ASIP: variants seen among roughly 807,000 people sequenced by gnomAD.
ASIP encodes the protein agouti-signaling protein.
Under a neutral mutation model 10.3 loss-of-function variants are expected in ASIP, and 11 were observed. That is an observed-to-expected ratio of 1.07 (90% confidence interval 0.68 to 1.78). ASIP has a LOEUF of 1.78. Ranked by LOEUF, ASIP falls within the 40% of genes most tolerant of loss-of-function variation. The pLI, the probability that ASIP is intolerant of heterozygous loss-of-function variation, is 0.00. For missense variants in ASIP, 180 were observed against 169.2 expected (o/e 1.06, Z -0.35); for synonymous variants, 70 against 70.8 (o/e 0.99, Z 0.06).
chr20:34,235,480 A>G (rs1355292588), intron 1 of ASIP, among the ~76,000 whole-genome samples: 2 of 151,880 alleles, frequency 1.3e-5, no homozygotes, highest in Non-Finnish European at 2.9e-5. Flanking sequence ...ACTGAAGGCA[A>G]TGAGACTAAC....
chr20:34,235,892 AGGAAG>A (rs1568756476), intron 1 of ASIP, among the ~76,000 whole-genome samples: 1 of 107,076 alleles, frequency 9.3e-6, no homozygotes, highest in Admixed American at 8.1e-5. Flanking sequence ...GAAGGAAGGA[AGGAAG>A]GAAAGGAAGG....
chr20:34,241,020 C>G (rs775799834), upstream of ASIP, among the ~76,000 whole-genome samples: 5 of 152,182 alleles, frequency 3.3e-5, no homozygotes, highest in Non-Finnish European at 5.9e-5. Context: ...GAGCAACACG[C>G]CTTGCCTCTG....
chr20:34,249,874 C>T (rs768738079), intron 1 of ASIP: 3 of 152,252 alleles, frequency 2.0e-5, no homozygotes, highest in African/African-American at 7.2e-5. Flanking sequence ...CACATATGCA[C>T]AGTGTTTCAC....
intron 1 of ASIP, among the ~76,000 whole-genome samples, chr20:34,247,288 C>T (rs1013888230): frequency 6.8e-6 from 1 of 146,136 alleles, no homozygotes; most frequent in African/African-American, 2.5e-5. Flanking sequence ...ATGATTATTA[C>T]ATTATATGAT....
rs1421012110 is a variant in ASIP at position 34,269,256 on chromosome 20, G to C, written c.*89G>C. The C allele has an allele frequency of 7.1e-7, 1 of 1,405,026 alleles. No homozygotes were observed. The allele number at this position is 1,405,026 out of a possible 1,614,324, so 87.0% of individuals were successfully genotyped here. ...TGATCCCTAACAGGGCGGCTTCCCA[G>C]GGCTGCAGGCGGGCGGAGGTTCCAG... On this transcript the variant is annotated 3_prime_UTR_variant, in exon 4 of 4. Coordinates refer to ENST00000374954, the MANE Select transcript of ASIP (RefSeq NM_001672.3).
chr20:34,264,789 A>ATTTTTTTTTTT (rs34382186), intron 3 of ASIP, among the ~76,000 whole-genome samples: 2 of 104,216 alleles, frequency 1.9e-5, no homozygotes, highest in Non-Finnish European at 3.7e-5. Context: ...AGTTTACTTC[A>ATTTTTTTTTTT]TTTTTTTTTT....
intron 1 of ASIP, among the ~76,000 whole-genome samples, chr20:34,245,214 A>G (rs1173888986): frequency 2.0e-5 from 3 of 150,594 alleles, no homozygotes; most frequent in Admixed American, 6.6e-5. Flanking sequence ...GGCGCCTGTA[A>G]TCCCAGCTAC....
At chr20:34,254,654 T>A (rs1301196831) in intron 1 of ASIP, among the ~76,000 whole-genome samples, 1 of 152,204 alleles carries the variant, frequency 6.6e-6, no homozygotes, top group Non-Finnish European at 1.5e-5. Context: ...AGCATTAATA[T>A]TTTCATTATA....
upstream of ASIP, among the ~76,000 whole-genome samples, chr20:34,192,582 CCCTTTGGGATT>C (rs2034831315): frequency 6.7e-6 from 1 of 149,024 alleles, no homozygotes; most frequent in South Asian, 2.1e-4. Flanking sequence ...GCCCTGGTTA[CCCTTTGGGATT>C]GGGAGTGTGG....
chr20:34,213,448 T>C, intron 1 of ASIP: 1 of 1,061,334 alleles, frequency 9.4e-7, no homozygotes, highest in Non-Finnish European at 1.4e-6. Flanking sequence ...AATTGAGTCA[T>C]AGGTAGAGAC....
chr20:34,199,976 C>T (rs550262600), intron 1 of ASIP, among the ~76,000 whole-genome samples: 66 of 152,236 alleles, frequency 4.3e-4, no homozygotes, highest in Admixed American at 1.2e-3. Context: ...CACCCCAATC[C>T]TGGCCCATCC....
At chr20:34,258,700 A>ATATATATATATATATATATACACATAC (rs1555826880) in intron 1 of ASIP, among the ~76,000 whole-genome samples, 1 of 77,918 alleles carries the variant, frequency 1.3e-5, no homozygotes, top group Non-Finnish European at 2.4e-5. Flanking sequence ...TACATACTAT[A>ATATATATATATATATATATACACATAC]TATATATATT....
At chr20:34,262,179 G>C (rs2035705490) in intron 2 of ASIP, among the ~76,000 whole-genome samples, 1 of 152,036 alleles carries the variant, frequency 6.6e-6, no homozygotes, top group South Asian at 2.1e-4. Context: ...AGGGAAGGGA[G>C]GAACATCAAC....
chr20:34,253,269 C>T (rs1370237848), intron 1 of ASIP, among the ~76,000 whole-genome samples: 10 of 151,500 alleles, frequency 6.6e-5, no homozygotes. Context: ...CCACGCCCGC[C>T]TAATTTTTTT....
chr20:34,224,137 A>G (rs1316578282), intron 1 of ASIP, among the ~76,000 whole-genome samples: 2 of 146,790 alleles, frequency 1.4e-5, no homozygotes, highest in African/African-American at 2.5e-5. Context: ...TCACTTGTTT[A>G]TCTGCTGACC....
At chr20:34,188,154 C>G in the ASIP span, among the ~76,000 whole-genome samples, 1 of 152,238 alleles carries the variant, frequency 6.6e-6, no homozygotes, top group Non-Finnish European at 1.5e-5. Flanking sequence ...GTGTGCCATT[C>G]TATCCTAGTT....
In ASIP at chr20:34,268,917, G is replaced by A. The variant is rs1443093948; in HGVS notation, c.223-74G>A. The A allele has an allele frequency of 6.6e-6, 10 of 1,525,694 alleles. No individual in the cohort carries two copies. The Admixed American group carries it at 1.4e-4, about 21-fold the overall frequency. 94.5% of individuals were successfully genotyped at this position (1,525,694 alleles called of 1,614,324 possible). ...TGGTCCGGGATCTCCCTAGCCCGAG[G>A]AGCTCCCAGGCAGAGGTGAGGACCG... is the stretch of plus-strand genomic sequence containing the variant. On this transcript the variant is annotated intron_variant, in intron 3 of 3. Coordinates refer to ENST00000374954, the MANE Select transcript of ASIP (RefSeq NM_001672.3).
chr20:34,248,530 C>T (rs995600360), intron 1 of ASIP, among the ~76,000 whole-genome samples: 1 of 152,150 alleles, frequency 6.6e-6, no homozygotes, highest in South Asian at 2.1e-4. Flanking sequence ...AGGTCAGGCA[C>T]GATGGCTCAC....
chr20:34,222,918 G>A (rs1405691855), intron 1 of ASIP, among the ~76,000 whole-genome samples: 1 of 151,948 alleles, frequency 6.6e-6, no homozygotes, highest in Non-Finnish European at 1.5e-5. Context: ...ACGGAGTCTC[G>A]TTCACTCAGT....
Sources: gnomAD v4.1 joint callset for allele counts (sites outside exome capture counted in the v4.1 genomes callset) on GRCh38, gnomAD v4.1.1 for gene constraint, MANE v1.5 for transcripts, NCBI Gene and HGNC (gene_info 2026-07-23, HGNC 2026-07-21) for gene names.